Variants in GRAMD4 observed in about 807,000 individuals in gnomAD.
The protein encoded by GRAMD4 is GRAM domain-containing protein 4.
GRAMD4 carries 25 observed loss-of-function variants against 83.9 expected under a neutral mutation model. That is an observed-to-expected ratio of 0.30 (90% confidence interval 0.22 to 0.42). The LOEUF (loss-of-function observed/expected upper bound fraction) is 0.42, where lower values mean the gene tolerates loss of function less well. Among genes scored for constraint, GRAMD4 ranks in the 10% least tolerant of loss-of-function variants. GRAMD4 has a pLI of 1.00. For missense variants in GRAMD4, 593 were observed against 788.7 expected (o/e 0.75, Z 2.97); for synonymous variants, 336 against 320.9 (o/e 1.05, Z -0.50).
intron 1 of GRAMD4, among the ~76,000 whole-genome samples, chr22:46,602,135 T>G (rs1035315020): frequency 2.6e-4 from 40 of 152,258 alleles, no homozygotes; most frequent in African/African-American, 9.4e-4. Flanking sequence ...TTGTCCCACA[T>G]GGGTGGGTCC....
intron 1 of GRAMD4, among the ~76,000 whole-genome samples, chr22:46,596,211 G>A (rs761037538): frequency 6.6e-6 from 1 of 152,248 alleles, no homozygotes; most frequent in Non-Finnish European, 1.5e-5. Context: ...CCTGCTTCCC[G>A]TGGATAGGGA....
chr22:46,650,931 G>A (rs575023777), intron 3 of GRAMD4, among the ~76,000 whole-genome samples: 130 of 152,316 alleles, frequency 8.5e-4, no homozygotes, highest in African/African-American at 2.9e-3. Flanking sequence ...CTCTGGGCAC[G>A]CAGAGTGTCC....
At chr22:46,662,558 A>G (rs1831286764) in intron 5 of GRAMD4, among the ~76,000 whole-genome samples, 1 of 152,220 alleles carries the variant, frequency 6.6e-6, no homozygotes, top group Non-Finnish European at 1.5e-5. Context: ...AGGCACCCCC[A>G]GCCCAGGACA....
At chr22:46,651,862 C>T (rs903299601) in intron 3 of GRAMD4, among the ~76,000 whole-genome samples, 8 of 152,048 alleles carry the variant, frequency 5.3e-5, no homozygotes, top group African/African-American at 1.2e-4. Flanking sequence ...GGGAGAGAGA[C>T]GGAGCTAGGG....
chr22:46,627,833 G>C (rs1042869678), intron 2 of GRAMD4, among the ~76,000 whole-genome samples: 1 of 152,214 alleles, frequency 6.6e-6, no homozygotes, highest in East Asian at 1.9e-4. Context: ...CTGCTCTCTC[G>C]ACACTGCCCG....
chr22:46,614,300 T>C (rs910080207), intron 1 of GRAMD4, among the ~76,000 whole-genome samples: 2 of 152,212 alleles, frequency 1.3e-5, no homozygotes, highest in Non-Finnish European at 2.9e-5. Flanking sequence ...ACTCGGGGCC[T>C]CACTTCTCCT....
chr22:46,605,036 C>T (rs111602692), intron 1 of GRAMD4, among the ~76,000 whole-genome samples: 1 of 114,344 alleles, frequency 8.7e-6, no homozygotes, highest in African/African-American at 3.9e-5. Context: ...CCATAATGTT[C>T]TCCGGGTTCA....
rs190697367 is a variant in GRAMD4, at chr22:46,650,122, C to G, written c.284-8065C>G. Among the ~76,000 whole-genome samples, 65 of 152,340 alleles carry G rather than the reference C, an allele frequency of 4.3e-4. 1 individual carries two copies. The highest frequency in any genetic ancestry group is 1.3e-3 in the Admixed American group (20 of 15,306). On this transcript the variant is annotated intron_variant, in intron 3 of 18. Transcript: ENST00000406902. ...GCTTTTTGGGTGGATTCTGAGTTCG[C>G]GCCCCTGGCCTGGTGGGAAGGAGTT...
At chr22:46,674,426 G>T (rs2082563553) in intron 15 of GRAMD4, among the ~76,000 whole-genome samples, 1 of 152,194 alleles carries the variant, frequency 6.6e-6, no homozygotes. Flanking sequence ...TGCTCTGCCT[G>T]GGTGCTTTTA....
At position 46,678,585 on chromosome 22, in the gene GRAMD4, G is replaced by A. The variant is rs998187264; in HGVS notation, c.*1334G>A. ...CTGCGTGTCTGCTGGGGCGGATCCC[G>A]CAGCTCCCTCAGCTTGTCCTGAGTC... On this transcript the variant is annotated 3_prime_UTR_variant, in exon 19 of 19. Coordinates refer to ENST00000406902, the MANE Select transcript of GRAMD4 (RefSeq NM_015124.5). The A allele has an allele frequency of 1.1e-5, 11 of 985,406 alleles. No individual in the cohort carries two copies. The highest frequency in any genetic ancestry group is 1.2e-4 in the Admixed American group (2 of 16,276). The allele number at this position is 985,406 out of a possible 1,614,324, so 61.0% of individuals were successfully genotyped here.
At chr22:46,671,264 C>T (rs36057639) in intron 13 of GRAMD4, 18,217 of 249,222 alleles carry the variant, frequency 0.073, 969 homozygotes, top group African/African-American at 0.16. Flanking sequence ...ACAAGTTGTC[C>T]GGACACGGTG....
intron 8 of GRAMD4, 67 bp from the exon 9 acceptor site, chr22:46,665,548 C>CCT (rs1196580571): frequency 4.0e-5 from 34 of 845,592 alleles, no homozygotes; most frequent in Admixed American, 7.9e-5. Flanking sequence ...TGGGGGGAGG[C>CCT]GGGAGGGATG....
intron 1 of GRAMD4, among the ~76,000 whole-genome samples, chr22:46,604,118 GCT>G (rs1356865760): frequency 1.3e-5 from 2 of 152,094 alleles, no homozygotes; most frequent in African/African-American, 4.8e-5. Context: ...CCTTCTCGTG[GCT>G]CTGTTTTCTG....
rs1307633083 is a variant in GRAMD4 at position 46,678,801 on chromosome 22, G to C, written c.*1550G>C. ...GGTTTCACCCCCTTCACGAGGGGCC[G>C]CAGAGTCACACGCTGGTGCCGGGGG... On this transcript the variant is annotated 3_prime_UTR_variant, in exon 19 of 19. Coordinates refer to ENST00000406902, the MANE Select transcript of GRAMD4 (RefSeq NM_015124.5). 1 of 986,098 alleles carries C rather than the reference G, an allele frequency of 1.0e-6. No homozygotes were observed. The highest frequency in any genetic ancestry group is 1.1e-4 in the East Asian group (1 of 8,816). 61.1% of individuals were successfully genotyped at this position (986,098 alleles called of 1,614,324 possible).
chr22:46,665,604 C>T lies in GRAMD4; in HGVS notation c.718-11C>T, dbSNP rs780903883. The T allele has an allele frequency of 6.7e-7, 1 of 1,493,378 alleles. No homozygotes were observed. The highest frequency in any genetic ancestry group is 1.1e-5 in the South Asian group (1 of 88,142). 92.5% of individuals were successfully genotyped at this position (1,493,378 alleles called of 1,614,324 possible). A position where few individuals can be genotyped will look rare whatever the true frequency, so the allele number is the denominator to read the frequency against. On this transcript the variant is annotated splice_polypyrimidine_tract_variant and intron_variant, in intron 8 of 18. Transcript: ENST00000406902. ...TGTCAGGAGGTCTGACGCCCTGTCT[C>T]TCACCCGCAGGTGTACATGAATGCC...
chr22:46,613,005 A>G (rs536465805), intron 1 of GRAMD4, among the ~76,000 whole-genome samples: 19 of 152,328 alleles, frequency 1.2e-4, no homozygotes, highest in African/African-American at 4.1e-4. Context: ...CGTAGTGACT[A>G]GCAGCGTCTT....
At chr22:46,650,467 C>T (rs1332224873) in intron 3 of GRAMD4, among the ~76,000 whole-genome samples, 3 of 151,850 alleles carry the variant, frequency 2.0e-5, no homozygotes, top group Non-Finnish European at 4.4e-5. Context: ...GGGCCTCAGC[C>T]CCACAGTCTG....
At chr22:46,597,475 TTATC>T (rs959634942) in intron 1 of GRAMD4, among the ~76,000 whole-genome samples, 17 of 152,108 alleles carry the variant, frequency 1.1e-4, no homozygotes, top group African/African-American at 3.1e-4. Flanking sequence ...CTGGTTTCAT[TTATC>T]TATCTATCTA....
chr22:46,598,931 G>T lies in GRAMD4; in HGVS notation c.-50+21641G>T, dbSNP rs546707678. Reference sequence around the variant, plus strand: ...TAACACAGGAGACAGGAGCCGCCCTGCACCCAGAGGGCTAGGGTTGGGGGT... The same window carrying T: ...TAACACAGGAGACAGGAGCCGCCCTTCACCCAGAGGGCTAGGGTTGGGGGT... On this transcript the variant is annotated intron_variant, in intron 1 of 1. Transcript: ENST00000431155. 2.4e-3 allele frequency among the ~76,000 whole-genome samples: 369 copies of T among 152,162 alleles called. 3 individuals are homozygous for T. Among genetic ancestry groups the T allele is most frequent in the African/African-American group, 8.2e-3 (342 of 41,514 alleles).
Sources: gnomAD v4.1 joint callset for allele counts (sites outside exome capture counted in the v4.1 genomes callset) on GRCh38, gnomAD v4.1.1 for gene constraint, MANE v1.5 for transcripts, NCBI Gene and HGNC (gene_info 2026-07-23, HGNC 2026-07-21) for gene names.